GON4L: variants seen among roughly 807,000 people sequenced by gnomAD.
The protein encoded by GON4L is GON-4-like protein.
GON4L carries 87 observed loss-of-function variants against 211.8 expected under a neutral mutation model. That is an observed-to-expected ratio of 0.41 (90% CI 0.35 to 0.49). The LOEUF (loss-of-function observed/expected upper bound fraction) is 0.49. Among genes scored for constraint, GON4L ranks in the 20% least tolerant of loss-of-function variants. The pLI, the probability that GON4L is intolerant of heterozygous loss-of-function variation, is 0.15. For missense variants in GON4L, 2,155 were observed against 2,659.5 expected, an observed-to-expected ratio of 0.81 and a Z score of 4.17; for synonymous variants, 875 against 962.6, an observed-to-expected ratio of 0.91 and a Z score of 1.68.
intron 3 of GON4L, among the ~76,000 whole-genome samples, chr1:155,826,132 AC>A (rs1669189160): frequency 1.3e-5 from 2 of 152,204 alleles, no homozygotes; most frequent in South Asian, 4.1e-4. Flanking sequence ...GATCACTTTA[AC>A]CCAGGAGGTC....
At chr1:155,804,820 A>G (rs1666992270) in intron 11 of GON4L, 129 bp downstream of exon 11, 2 of 752,380 alleles carry the variant, frequency 2.7e-6, no homozygotes, top group Non-Finnish European at 4.7e-6. Flanking sequence ...CTGATTTAAG[A>G]TAAATTATCA....
chr1:155,776,423 G>A lies in GON4L; in HGVS notation c.2150C>T (p.Pro717Leu), dbSNP rs140447805. The change falls in exon 16 of 32, where the codon CCG becomes CTG. Residue 717 changes from proline (P) to leucine (L), a missense_variant. Pro to Leu is a moderately conservative substitution (Grantham distance 98). Around this residue, in one of 6 missense-constraint regions of GON4L, gnomAD observed 551 missense variants for 854.0 expected, o/e 0.65. Transcript: ENST00000368331. ...AAATATCCTGGTGGTAGTGGCCTCC[G>A]GATTGAGGTTGGGGTTGCAGGTGGC... ...LLATCNPNLN[P>L]EATTTRIFLK... 146 of 1,612,380 alleles carry A rather than the reference G, an allele frequency of 9.1e-5. 1 individual carries two copies. The East Asian group carries it at 1.8e-3, about 19-fold the overall frequency.
intron 27 of GON4L, 119 bp from the exon 28 acceptor site, chr1:155,754,607 G>A (rs776417230): frequency 9.3e-5 from 57 of 610,412 alleles, no homozygotes; most frequent in Admixed American, 4.8e-4. Context: ...TCAGCTCACC[G>A]CAACCTCTGC....
At chr1:155,775,972 G>A (rs1014856500) in intron 16 of GON4L, among the ~76,000 whole-genome samples, 3 of 151,944 alleles carry the variant, frequency 2.0e-5, no homozygotes, top group Non-Finnish European at 4.4e-5. Context: ...TTGTAGAGAC[G>A]GGCTTTCGGC....
Position 155,826,843 on chromosome 1 carries a change from G to A in GON4L, c.691C>T (p.Pro231Ser), listed in dbSNP as rs1436707324. The change falls in exon 3 of 32, where the codon CCA becomes TCA. Residue 231 changes from proline to serine, a missense_variant. This residue lies in a region of GON4L where 313 missense variants were observed against 293.2 expected (regional missense o/e 1.07). Coordinates refer to ENST00000368331, the MANE Select transcript of GON4L (RefSeq NM_001282860.2). ...AAAGAAAAAGAAAGCCTACCCATTG[G>A]AATGAAGAGTCCACCATCTTCTATC... ...EEIEDGGLFI[P>S]MEEQDNEESE... 1.2e-6 allele frequency: 2 copies of A among 1,603,728 alleles called. No homozygotes were observed. Among genetic ancestry groups the A allele is most frequent in the South Asian group, 1.1e-5 (1 of 90,832 alleles).
At chr1:155,770,744 G>A (rs1255644831) in intron 19 of GON4L, among the ~76,000 whole-genome samples, 1 of 152,086 alleles carries the variant, frequency 6.6e-6, no homozygotes, top group Non-Finnish European at 1.5e-5. Context: ...AGCTACTTGG[G>A]ACGCTGAGGC....
chr1:155,774,054 C>T (rs1321766445), intron 17 of GON4L, among the ~76,000 whole-genome samples: 2 of 152,070 alleles, frequency 1.3e-5, no homozygotes, highest in African/African-American at 4.8e-5. Context: ...AAACCCAAAT[C>T]CAGAACAAAC....
chr1:155,855,078 T>C (rs931298069), intron 1 of GON4L, among the ~76,000 whole-genome samples: 5 of 152,116 alleles, frequency 3.3e-5, no homozygotes, highest in African/African-American at 4.8e-5. Context: ...CAACAAACTT[T>C]GTGTCGAAAC....
chr1:155,842,289 C>T (rs1670838378), intron 2 of GON4L, among the ~76,000 whole-genome samples: 1 of 152,046 alleles, frequency 6.6e-6, no homozygotes. Context: ...CTTTGGGAGG[C>T]CAAGGCGAGT....
At chr1:155,784,155 G>T (rs1664696214) in intron 13 of GON4L, 66 bp from the exon 14 acceptor site, 3 of 1,588,732 alleles carry the variant, frequency 1.9e-6, no homozygotes, top group Middle Eastern at 1.7e-4. Context: ...CCAGTATTGG[G>T]AAGGAAGAGT....
At chr1:155,757,406 G>A (rs2101657200) in intron 25 of GON4L, 83 bp from the exon 26 acceptor site, 1 of 1,231,472 alleles carries the variant, frequency 8.1e-7, no homozygotes, top group East Asian at 2.3e-5. Flanking sequence ...ATACTTCCAT[G>A]TTCTGCTTTC....
chr1:155,805,988 G>GTTTTTTT (rs58821661), intron 10 of GON4L, among the ~76,000 whole-genome samples: 2 of 133,326 alleles, frequency 1.5e-5, no homozygotes, highest in African/African-American at 5.5e-5. Flanking sequence ...CATGCCTGGT[G>GTTTTTTT]TTTTTTTTTT....
chr1:155,797,457 CT>C (rs113199922), intron 11 of GON4L, among the ~76,000 whole-genome samples: 9,848 of 145,276 alleles, frequency 0.068, 396 homozygotes, highest in African/African-American at 0.11. Flanking sequence ...AAATGAGCAT[CT>C]TTTTTTTTTT....
At chr1:155,848,513 T>G (rs1269138139) in intron 2 of GON4L, among the ~76,000 whole-genome samples, 2 of 152,232 alleles carry the variant, frequency 1.3e-5, no homozygotes, top group Non-Finnish European at 2.9e-5. Context: ...ACCTGAAGCC[T>G]TAGTACTTTC....
rs758361344 is a variant in GON4L at position 155,826,849 on chromosome 1, A to T, written c.685T>A (p.Phe229Ile). The T allele has an allele frequency of 1.2e-6, 2 of 1,608,644 alleles. No individual in the cohort carries two copies. The highest frequency in any genetic ancestry group is 2.2e-5 in the South Asian group (2 of 90,946). The change falls in exon 3 of 32, where the codon TTC becomes ATC. Residue 229 changes from phenylalanine to isoleucine, a missense_variant. This residue lies in a region of GON4L where 313 missense variants were observed against 293.2 expected (regional missense o/e 1.07). Transcript: ENST00000368331. Reference sequence around the variant, plus strand: ...AAAGAAAGCCTACCCATTGGAATGAAGAGTCCACCATCTTCTATCTCTTCC... The same window carrying T: ...AAAGAAAGCCTACCCATTGGAATGATGAGTCCACCATCTTCTATCTCTTCC... Reference protein sequence around the residue: ...PEEEIEDGGLFIPMEEQDNEE... With the variant: ...PEEEIEDGGLIIPMEEQDNEE...
intron 14 of GON4L, among the ~76,000 whole-genome samples, 178 bp downstream of exon 14, chr1:155,783,807 TG>T (rs1239613001): frequency 3.9e-5 from 6 of 152,196 alleles, no homozygotes; most frequent in African/African-American, 1.4e-4. Flanking sequence ...GGCCTACAGC[TG>T]CACTGCCCCA....
chr1:155,857,216 G>C (rs1196873633), upstream of GON4L: 1 of 152,612 alleles, frequency 6.6e-6, no homozygotes, highest in African/African-American at 2.4e-5. Flanking sequence ...GCCAACAACA[G>C]CGAATTGCGT....
intron 11 of GON4L, among the ~76,000 whole-genome samples, chr1:155,797,367 G>A (rs549179131): frequency 1.3e-5 from 2 of 151,726 alleles, no homozygotes; most frequent in South Asian, 2.1e-4. Flanking sequence ...CACCTGCCTC[G>A]GCCCCTAAAA....
intron 2 of GON4L, among the ~76,000 whole-genome samples, chr1:155,851,573 G>A (rs1671800590): frequency 6.6e-6 from 1 of 151,788 alleles, no homozygotes; most frequent in Admixed American, 6.6e-5. Context: ...AAAATTAGCT[G>A]AGCACGGTGG....
Sources: allele counts gnomAD v4.1 joint callset (sites outside exome capture counted in the v4.1 genomes callset), GRCh38; gene constraint gnomAD v4.1.1; regional missense constraint gnomAD v4.1.1; transcripts MANE v1.5; gene names NCBI Gene and HGNC (gene_info 2026-07-23, HGNC 2026-07-21).